The following ARGFX variants were observed in gnomAD, a reference collection of about 807,000 sequenced individuals.
ARGFX encodes the protein arginine-fifty homeobox.
A neutral mutation model predicts 8.0 loss-of-function variants in ARGFX; 10 were observed. The ratio of observed to expected loss-of-function variants is 1.25; its 90% CI spans 0.77 to 2.12. The LOEUF (loss-of-function observed/expected upper bound fraction) is 2.12. ARGFX is among the 30% of genes most tolerant of loss of function. The pLI, the probability that ARGFX is intolerant of heterozygous loss-of-function variation, is 0.00. For synonymous variants in ARGFX, 116 were observed against 117.8 expected, an observed-to-expected ratio of 0.98 and a Z score of 0.10; for missense variants, 282 against 324.3, an observed-to-expected ratio of 0.87 and a Z score of 1.00.
At chr3:121,577,264 T>A (rs1383004427) in intron 3 of ARGFX, among the ~76,000 whole-genome samples, 16 of 132,648 alleles carry the variant, frequency 1.2e-4, no homozygotes, top group East Asian at 8.5e-4. Flanking sequence ...TATATATTTT[T>A]TTTTTTTTAA....
intron 3 of ARGFX, among the ~76,000 whole-genome samples, chr3:121,580,606 A>ATTTTTTTTT (rs57666199): frequency 8.7e-6 from 1 of 115,194 alleles, no homozygotes. Context: ...ATATATATAT[A>ATTTTTTTTT]TTTTTTTTTT....
chr3:121,578,591 A>T (rs540113693), intron 3 of ARGFX, among the ~76,000 whole-genome samples: 65 of 152,282 alleles, frequency 4.3e-4, no homozygotes, highest in African/African-American at 1.6e-3. Flanking sequence ...TTAAAAAATT[A>T]AAAAATTTTA....
At position 121,588,624 on chromosome 3, in the gene ARGFX, AATG is replaced by A. The variant is rs2048827593; in HGVS notation, c.*2025_*2027del. On this transcript the variant is annotated 3_prime_UTR_variant, in exon 5 of 5. Coordinates refer to ENST00000334384, the MANE Select transcript of ARGFX (RefSeq NM_001012659.2). ...TCAAAACTTAAAAAAGGACATAGAAAATGTTTTGAATAGGCCAGGCGCAGTGGC... is the reference window on the plus strand; with the variant it reads ...TCAAAACTTAAAAAAGGACATAGAAATTTTGAATAGGCCAGGCGCAGTGGC... Among the ~76,000 whole-genome samples, 1 of 151,982 alleles carries A rather than the reference AATG, an allele frequency of 6.6e-6. No individual in the cohort carries two copies. Among genetic ancestry groups the A allele is most frequent in the Non-Finnish European group, 1.5e-5 (1 of 67,994 alleles).
At chr3:121,582,827 T>C (rs891265644) in intron 3 of ARGFX, among the ~76,000 whole-genome samples, 1 of 152,028 alleles carries the variant, frequency 6.6e-6, no homozygotes, top group Non-Finnish European at 1.5e-5. Context: ...CACCTCAGCC[T>C]CCCATAGCTG....
intron 2 of ARGFX, among the ~76,000 whole-genome samples, chr3:121,572,346 A>ATTC (rs1471552746): frequency 3.3e-5 from 5 of 149,582 alleles, no homozygotes; most frequent in Non-Finnish European, 5.9e-5. Context: ...GGATCAAGCG[A>ATTC]TTCTCCTGCC....
rs1355116733 is a variant in ARGFX at position 121,585,015 on chromosome 3, C to T, written c.319C>T (p.Leu107Phe). Reference protein sequence around the residue: ...FSQTMFPDRNLQEKLALRLDL... With the variant: ...FSQTMFPDRNFQEKLALRLDL... Reference sequence around the variant, plus strand: ...CCAGACCATGTTCCCAGATAGAAATCTTCAGGAGAAACTAGCTTTGAGACT... The same window carrying T: ...CCAGACCATGTTCCCAGATAGAAATTTTCAGGAGAAACTAGCTTTGAGACT... The change falls in exon 4 of 5, where the codon CTT (leucine) becomes TTT (phenylalanine). Residue 107 changes from leucine to phenylalanine, a missense_variant. Transcript: ENST00000334384. The T allele has an allele frequency of 6.2e-7, 1 of 1,614,000 alleles. No homozygotes were observed. The highest frequency in any genetic ancestry group is 1.1e-5 in the South Asian group (1 of 90,978).
chr3:121,579,662 T>C (rs1382805606), intron 3 of ARGFX, among the ~76,000 whole-genome samples: 1 of 152,090 alleles, frequency 6.6e-6, no homozygotes, highest in Non-Finnish European at 1.5e-5. Context: ...ATCTTGTATG[T>C]TGGTCATATT....
rs11386339 is a variant in ARGFX at position 121,589,473 on chromosome 3, G to GT, written c.*2874dup. On this transcript the variant is annotated 3_prime_UTR_variant, in exon 5 of 5. Coordinates refer to ENST00000334384, the MANE Select transcript of ARGFX (RefSeq NM_001012659.2). ...GCTCACTGCAACCTCCGCCTCCTGGGTCAAATGATTCTCCTGCTTTAGCCT... is the reference window on the plus strand; with the variant it reads ...GCTCACTGCAACCTCCGCCTCCTGGGTTCAAATGATTCTCCTGCTTTAGCCT... Among the ~76,000 whole-genome samples the GT allele has an allele frequency of 0.48, 72,396 of 151,878 alleles. 17,855 individuals are homozygous for GT. The highest frequency in any genetic ancestry group is 0.73 in the East Asian group (3,755 of 5,164).
At chr3:121,584,137 C>T (rs2048796406) in intron 3 of ARGFX, among the ~76,000 whole-genome samples, 1 of 150,224 alleles carries the variant, frequency 6.7e-6, no homozygotes, top group South Asian at 2.1e-4. Context: ...TATGATCGTG[C>T]CACAGCATTC....
intron 3 of ARGFX, among the ~76,000 whole-genome samples, chr3:121,578,758 C>A (rs1159532196): frequency 2.0e-5 from 3 of 151,090 alleles, no homozygotes; most frequent in Admixed American, 2.0e-4. Flanking sequence ...GCAAGTTCTG[C>A]CTCCCAGGTT....
chr3:121,583,614 A>G (rs2048793342), intron 3 of ARGFX, among the ~76,000 whole-genome samples: 1 of 151,312 alleles, frequency 6.6e-6, no homozygotes, highest in African/African-American at 2.4e-5. Flanking sequence ...TACAGCCTCA[A>G]CCTCCTGGCT....
At chr3:121,571,652 C>T (rs1462969777) in intron 2 of ARGFX, among the ~76,000 whole-genome samples, 1 of 151,616 alleles carries the variant, frequency 6.6e-6, no homozygotes, top group African/African-American at 2.4e-5. Context: ...CAAACTCCAC[C>T]TCCCGGGTTC....
intron 3 of ARGFX, among the ~76,000 whole-genome samples, chr3:121,583,314 G>A (rs1037197724): frequency 1.3e-5 from 2 of 152,000 alleles, no homozygotes; most frequent in African/African-American, 4.8e-5. Context: ...ACAGGTGTGA[G>A]TCACCACACC....
intron 1 of ARGFX, 69 bp from the exon 2 acceptor site, chr3:121,570,633 T>A (rs1373794652): frequency 9.3e-7 from 1 of 1,074,090 alleles, no homozygotes; most frequent in Non-Finnish European, 1.3e-6. Flanking sequence ...CCAGGCTCCT[T>A]GAAAACATTG....
chr3:121,587,090 AC>A lies in ARGFX; in HGVS notation c.*493del, dbSNP rs1271610504. ...TTTTGAGACTGAGTCTCGCACTGTCACCCAGGGTGGAGTGCAGTGGCGGGAT... is the reference window on the plus strand; with the variant it reads ...TTTTGAGACTGAGTCTCGCACTGTCACCAGGGTGGAGTGCAGTGGCGGGAT... On this transcript the variant is annotated 3_prime_UTR_variant, in exon 5 of 5. Transcript: ENST00000334384. Among the ~76,000 whole-genome samples the A allele has an allele frequency of 1.3e-5, 2 of 151,236 alleles. No individual in the cohort carries two copies. The highest frequency in any genetic ancestry group is 4.9e-5 in the African/African-American group (2 of 41,096).
At chr3:121,571,157 C>G (rs940951372) in intron 2 of ARGFX, among the ~76,000 whole-genome samples, 3 of 152,064 alleles carry the variant, frequency 2.0e-5, no homozygotes, top group Non-Finnish European at 4.4e-5. Flanking sequence ...AAAATGAAAA[C>G]AAACAAACAA....
chr3:121,580,991 C>T (rs2048776235), intron 3 of ARGFX, among the ~76,000 whole-genome samples: 1 of 151,776 alleles, frequency 6.6e-6, no homozygotes, highest in Middle Eastern at 3.2e-3. Flanking sequence ...ATTATTATTT[C>T]TTTTTTGAGG....
In ARGFX at chr3:121,590,361, T is replaced by C. The variant is rs2048837056; in HGVS notation, c.*3761T>C. On this transcript the variant is annotated 3_prime_UTR_variant, in exon 5 of 5. Transcript: ENST00000334384. ...GGCAGAGCCCCCATGAATGGATTAA[T>C]GCCATTATTGTGGGAGTGGGTTAGT... 1.3e-5 allele frequency among the ~76,000 whole-genome samples: 2 copies of C among 152,212 alleles called. No homozygotes were observed. Among genetic ancestry groups the C allele is most frequent in the Non-Finnish European group, 2.9e-5 (2 of 68,038 alleles).
chr3:121,570,798 C>A lies in ARGFX; in HGVS notation c.85C>A (p.Gln29Lys), dbSNP rs752786197. Reference protein sequence around the residue: ...NYSNMKVIPPQDPASPSFTLL... With the variant: ...NYSNMKVIPPKDPASPSFTLL... ...TTCCAACATGAAGGTGATACCACCA[C>A]AGGATCCAGCTAGTCCCAGTGAGTA... Residue 29 changes from glutamine (Q) to lysine (K), a missense_variant, in exon 2 of 5, where the codon CAG becomes AAG. Transcript: ENST00000334384. 9 of 1,604,906 alleles carry A rather than the reference C, an allele frequency of 5.6e-6. No individual in the cohort carries two copies. The Admixed American group carries it at 8.5e-5, about 15-fold the overall frequency.
Sources: allele counts gnomAD v4.1 joint callset (sites outside exome capture counted in the v4.1 genomes callset), GRCh38; gene constraint gnomAD v4.1.1; transcripts MANE v1.5; gene names NCBI Gene and HGNC (gene_info 2026-07-23, HGNC 2026-07-21).